Variants in KCNJ5 observed in about 807,000 individuals in gnomAD.
KCNJ5 encodes G protein-activated inward rectifier potassium channel 4.
In KCNJ5, 12 loss-of-function variants were observed where a neutral mutation model predicts 20.2. The observed-to-expected ratio is 0.59, with a 90% CI of 0.38 to 0.96. The LOEUF is 0.96. Ranked by LOEUF, KCNJ5 falls within the 40% of genes least tolerant of loss-of-function variation. KCNJ5 has a pLI of 0.00. For missense variants in KCNJ5, 449 were observed against 557.6 expected (o/e 0.81, Z 1.96); for synonymous variants, 210 against 213.9 (o/e 0.98, Z 0.16).
At chr11:128,907,370 A>G (rs1477856576) in intron 1 of KCNJ5, among the ~76,000 whole-genome samples, 1 of 152,204 alleles carries the variant, frequency 6.6e-6, no homozygotes, top group Non-Finnish European at 1.5e-5. Context: ...AGACCACGCC[A>G]TGACACCAAG....
At chr11:128,904,352 T>A in intron 1 of KCNJ5, 1 of 1,583,784 alleles carries the variant, frequency 6.3e-7, no homozygotes, top group Non-Finnish European at 8.6e-7. Context: ...TGCACTGATT[T>A]TTTTTGCCTG....
At chr11:128,899,689 C>T (rs980095515) in intron 1 of KCNJ5, 4 of 152,166 alleles carry the variant, frequency 2.6e-5, no homozygotes, top group Non-Finnish European at 4.4e-5. Context: ...AGATGGCAGG[C>T]TTAAAAAGGA....
intron 1 of KCNJ5, among the ~76,000 whole-genome samples, chr11:128,909,018 C>T (rs1200535094): frequency 6.6e-6 from 1 of 152,216 alleles, no homozygotes; most frequent in African/African-American, 2.4e-5. Context: ...TTAACTGCCA[C>T]ATGAAGGAGC....
rs1240150581 is a variant in KCNJ5 at position 128,916,308 on chromosome 11, GGATA to G, written c.938-97_938-94del. ...CAGATGACTGGATGGATGGATGGATGGATAGATGGATGGATGGATGGATTGATGG... is the reference window on the plus strand; with the variant it reads ...CAGATGACTGGATGGATGGATGGATGGATGGATGGATGGATGGATTGATGG... On this transcript the variant is annotated intron_variant, in intron 2 of 2. Transcript: ENST00000529694. 172 of 884,698 alleles carry G rather than the reference GGATA, an allele frequency of 1.9e-4. 2 individuals are homozygous for G. Among genetic ancestry groups the G allele is most frequent in the Middle Eastern group, 1.2e-3 (5 of 4,250 alleles). The allele number at this position is 884,698 out of a possible 1,614,324, so 54.8% of individuals were successfully genotyped here. A position where few individuals can be genotyped will look rare whatever the true frequency, so the allele number is the denominator to read the frequency against.
intron 2 of KCNJ5, among the ~76,000 whole-genome samples, chr11:128,914,042 T>C (rs1407574375): frequency 6.6e-6 from 1 of 152,160 alleles, no homozygotes; most frequent in African/African-American, 2.4e-5. Context: ...AGGCAGCATA[T>C]GGTGGCAGGT....
intron 1 of KCNJ5, chr11:128,902,466 A>G: frequency 6.6e-7 from 1 of 1,504,576 alleles, no homozygotes; most frequent in Non-Finnish European, 9.0e-7. Flanking sequence ...GCAGCGAGGA[A>G]CCCCGCACTT....
Position 128,916,745 on chromosome 11 carries a change from C to T in KCNJ5, c.*14C>T. On this transcript the variant is annotated 3_prime_UTR_variant, in exon 3 of 3. Coordinates refer to ENST00000529694, the MANE Select transcript of KCNJ5 (RefSeq NM_000890.5). ...GGCTCGGTGTGAGGGGTGCAGCCTCCCTAAGACCTCCTGTCACTGGCTTCA... is the reference window on the plus strand; with the variant it reads ...GGCTCGGTGTGAGGGGTGCAGCCTCTCTAAGACCTCCTGTCACTGGCTTCA... 1 of 1,566,944 alleles carries T rather than the reference C, an allele frequency of 6.4e-7. No individual in the cohort carries two copies. The highest frequency in any genetic ancestry group is 8.7e-7 in the Non-Finnish European group (1 of 1,152,710).
rs1336326673 is a variant in KCNJ5 at position 128,919,981 on chromosome 11, C to T, written c.*3250C>T. The T allele has an allele frequency of 6.6e-6, 1 of 152,232 alleles. No homozygotes were observed. Among genetic ancestry groups the T allele is most frequent in the Non-Finnish European group, 1.5e-5 (1 of 68,052 alleles). 9.4% of individuals were successfully genotyped at this position (152,232 alleles called of 1,614,324 possible). On this transcript the variant is annotated 3_prime_UTR_variant, in exon 3 of 3. Coordinates refer to ENST00000529694, the MANE Select transcript of KCNJ5 (RefSeq NM_000890.5). The stretch of plus-strand genomic sequence containing the variant: ...TGGGGTCATGCGCTGGTCATTCCCA[C>T]AGTCTTGAGTATCTCCAAAATCCCA...
chr11:128,903,507 C>T (rs768859509), intron 1 of KCNJ5: 5 of 1,614,046 alleles, frequency 3.1e-6, no homozygotes, highest in Non-Finnish European at 4.2e-6. Context: ...CAGAGGCAGA[C>T]CTGCCTTAGA....
intron 1 of KCNJ5, among the ~76,000 whole-genome samples, chr11:128,892,037 G>C (rs1003563381): frequency 6.6e-6 from 1 of 152,252 alleles, no homozygotes. Context: ...CCAGGAGTGG[G>C]TGGGGTGTGG....
At position 128,904,631 on chromosome 11, in the gene KCNJ5, A is replaced by AGG. The variant is rs762889887; in HGVS notation, c.-10-6633_-10-6632insGG. The AGG allele has an allele frequency of 2.7e-3, 1,958 of 731,822 alleles. 2 individuals carry two copies. Among genetic ancestry groups the AGG allele is most frequent in the Non-Finnish European group, 4.2e-3 (1,674 of 395,670 alleles). The allele number at this position is 731,822 out of a possible 1,614,324, so 45.3% of individuals were successfully genotyped here. A position where few individuals can be genotyped will look rare whatever the true frequency, so the allele number is the denominator to read the frequency against. ...CCAGACCTACAGAATCAGAACCCGCATTTTAGCCAGATCCCCAGGAAGGGA... is the reference window on the plus strand; with the variant it reads ...CCAGACCTACAGAATCAGAACCCGCAGGTTTTAGCCAGATCCCCAGGAAGGGA... On this transcript the variant is annotated intron_variant, in intron 1 of 2. Transcript: ENST00000529694.
intron 1 of KCNJ5, chr11:128,904,683 T>A (rs1176034142): frequency 3.2e-6 from 2 of 627,334 alleles, no homozygotes; most frequent in Non-Finnish European, 5.8e-6. Flanking sequence ...GCCAGTGAAG[T>A]GTGAGTCGAC....
At chr11:128,892,539 CAGA>C (rs955372251) in intron 1 of KCNJ5, among the ~76,000 whole-genome samples, 8 of 152,198 alleles carry the variant, frequency 5.3e-5, no homozygotes, top group Non-Finnish European at 7.3e-5. Context: ...TTTCAAACAC[CAGA>C]AGAAGATCAA....
At chr11:128,903,434 T>C (rs756287411) in intron 1 of KCNJ5, 2 of 1,614,174 alleles carry the variant, frequency 1.2e-6, no homozygotes, top group East Asian at 2.2e-5. Flanking sequence ...CTGGTTACTA[T>C]GGCATGCACA....
intron 1 of KCNJ5, chr11:128,902,507 G>C (rs367865780): frequency 2.6e-5 from 40 of 1,557,642 alleles, no homozygotes; most frequent in Non-Finnish European, 3.4e-5. Flanking sequence ...GCAGCCGTCT[G>C]CATGGGGGAG....
At chr11:128,894,539 G>A (rs1203357992) in intron 1 of KCNJ5, among the ~76,000 whole-genome samples, 1 of 152,210 alleles carries the variant, frequency 6.6e-6, no homozygotes, top group Non-Finnish European at 1.5e-5. Flanking sequence ...CGTCAGCCAC[G>A]AAGGAATCTT....
At chr11:128,902,833 C>G (rs1033725095) in intron 1 of KCNJ5, 1 of 1,104,678 alleles carries the variant, frequency 9.1e-7, no homozygotes, top group Non-Finnish European at 1.3e-6. Flanking sequence ...AAAGGCCTCT[C>G]TCCGACTCCC....
intron 2 of KCNJ5, among the ~76,000 whole-genome samples, chr11:128,915,822 GA>G (rs1171114589): frequency 6.7e-6 from 1 of 150,000 alleles, no homozygotes; most frequent in Admixed American, 6.6e-5. Flanking sequence ...TGGATGGATG[GA>G]TGGATGGATG....
In KCNJ5 at chr11:128,908,465, G is replaced by A. The variant is rs549227380; in HGVS notation, c.-10-2799G>A. ...GGGTTGAGCAAGGGATGACTTCTGC[G>A]GATGATTCCAGCGCACAGGAATGCG... On this transcript the variant is annotated intron_variant, in intron 1 of 2. Transcript: ENST00000529694. Among the ~76,000 whole-genome samples, 13 of 152,238 alleles carry A rather than the reference G, an allele frequency of 8.5e-5. No individual in the cohort carries two copies. In the Middle Eastern group the frequency reaches 0.027, roughly 319 times the overall value.
Sources: gnomAD v4.1 joint callset for allele counts (sites outside exome capture counted in the v4.1 genomes callset) on GRCh38, gnomAD v4.1.1 for gene constraint, MANE v1.5 for transcripts, NCBI Gene and HGNC (gene_info 2026-07-23, HGNC 2026-07-21) for gene names.